Variants in COL3A1 observed in about 807,000 individuals in gnomAD.
COL3A1 encodes the protein collagen type III alpha 1 chain, also known as collagen alpha-1(III) chain.
A neutral mutation model predicts 200.9 loss-of-function variants in COL3A1; 46 were observed. The ratio of observed to expected loss-of-function variants is 0.23; its 90% CI spans 0.18 to 0.29. The LOEUF (loss-of-function observed/expected upper bound fraction) is 0.29, where lower values mean the gene tolerates loss of function less well. COL3A1 is among the 10% of genes least tolerant of loss of function. The pLI is 1.00. For missense variants in COL3A1, 1,367 were observed against 1,917.6 expected (o/e 0.71, Z 5.36); for synonymous variants, 650 against 628.0 (o/e 1.03, Z -0.52).
At chr2:189,008,002 T>C in intron 46 of COL3A1, 33 bp from the exon 47 acceptor site, 1 of 1,613,968 alleles carries the variant, frequency 6.2e-7, no homozygotes, top group Non-Finnish European at 8.5e-7. Context: ...CAGAAAGATA[T>C]TCTGGCATTG....
rs185022883 is a variant in COL3A1 at position 188,996,339 on chromosome 2, A to G, written c.1663-59A>G. The G allele has an allele frequency of 8.9e-4, 1,075 of 1,203,800 alleles. 8 individuals carry two copies. The African/African-American group carries it at 0.015, about 17-fold the overall frequency. The allele number at this position is 1,203,800 out of a possible 1,614,324, so 74.6% of individuals were successfully genotyped here. On this transcript the variant is annotated intron_variant, in intron 23 of 50. Transcript: ENST00000304636. Reference sequence around the variant, plus strand: ...ACACACACACACACATACTATATATATAGCATGCTTTAATCTTCTCTTTAT... The same window carrying G: ...ACACACACACACACATACTATATATGTAGCATGCTTTAATCTTCTCTTTAT...
intron 49 of COL3A1, 38 bp downstream of exon 49, chr2:189,010,403 C>T: frequency 6.2e-7 from 1 of 1,602,862 alleles, no homozygotes; most frequent in Non-Finnish European, 8.5e-7. Context: ...TAAGTCACCT[C>T]TATATCCTTT....
At chr2:188,997,488 A>G (rs1249094137) in intron 26 of COL3A1, 99 bp downstream of exon 26, 1 of 1,308,000 alleles carries the variant, frequency 7.6e-7, no homozygotes, top group Non-Finnish European at 1.1e-6. Context: ...ATGTTGTTAC[A>G]GTTTACCAAA....
At chr2:188,987,181 T>G in intron 5 of COL3A1, 42 bp downstream of exon 5, 1 of 1,522,438 alleles carries the variant, frequency 6.6e-7, no homozygotes, top group Non-Finnish European at 9.1e-7. Flanking sequence ...CTTTATTATC[T>G]TTCTGGTTTG....
chr2:188,995,793 A>G lies in COL3A1; in HGVS notation c.1608+3A>G. The G allele has an allele frequency of 6.4e-7, 1 of 1,553,776 alleles. No individual in the cohort carries two copies. Among genetic ancestry groups the G allele is most frequent in the Non-Finnish European group, 8.7e-7 (1 of 1,146,960 alleles). ...TCCCTGGAGGTCCAGGAATGAGGGT[A>G]CAGAGAAACATTTGTTTGAATGACA... On this transcript the variant is annotated splice_donor_region_variant and intron_variant, in intron 22 of 50. Coordinates refer to ENST00000304636, the MANE Select transcript of COL3A1 (RefSeq NM_000090.4).
At chr2:188,993,975 C>A in intron 16 of COL3A1, 63 bp from the exon 17 acceptor site, 1 of 1,507,574 alleles carries the variant, frequency 6.6e-7, no homozygotes, top group Non-Finnish European at 9.2e-7. Context: ...ACACAAACAA[C>A]TTCAAATATA....
At chr2:189,002,874 A>C in intron 35 of COL3A1, 81 bp from the exon 36 acceptor site, 1 of 1,081,666 alleles carries the variant, frequency 9.2e-7, no homozygotes, top group Non-Finnish European at 1.4e-6. Context: ...GAAGAATTCT[A>C]TATTCTGAAG....
intron 25 of COL3A1, 36 bp downstream of exon 25, chr2:188,997,254 A>G (rs746688599): frequency 5.6e-6 from 9 of 1,613,482 alleles, no homozygotes; most frequent in Non-Finnish European, 7.6e-6. Flanking sequence ...CTAGCCTTCT[A>G]ATAGATGCGT....
chr2:189,006,211 C>A lies in COL3A1; in HGVS notation c.3045C>A (p.Asn1015Lys). ...CTTTCTCATTTTTTAATCAGGGAAA[C>A]CCTGGATCAGATGGTCTTCCAGGCC... ...GTAGEPGRDGNPGSDGLPGRD... is the reference protein window; with the variant it reads ...GTAGEPGRDGKPGSDGLPGRD... Residue 1015 changes from asparagine to lysine, a missense_variant, in exon 42 of 51, where the codon AAC (asparagine) becomes AAA (lysine). Asn to Lys is a moderately conservative substitution (Grantham distance 94, BLOSUM62 0). Transcript: ENST00000304636. 1 of 1,614,116 alleles carries A rather than the reference C, an allele frequency of 6.2e-7. No individual in the cohort carries two copies. Among genetic ancestry groups the A allele is most frequent in the East Asian group, 2.2e-5 (1 of 44,892 alleles).
chr2:188,979,903 C>G (rs1339022158), intron 1 of COL3A1, among the ~76,000 whole-genome samples: 2 of 151,618 alleles, frequency 1.3e-5, no homozygotes, highest in Non-Finnish European at 3.0e-5. Flanking sequence ...CTTAATGTTT[C>G]TGCAGTTAAG....
At chr2:188,998,788 G>C (rs1375267384) in intron 29 of COL3A1, 70 bp downstream of exon 29, 1 of 1,436,914 alleles carries the variant, frequency 7.0e-7, no homozygotes, top group East Asian at 2.3e-5. Flanking sequence ...TATATTTTTA[G>C]TATATCAAGC....
rs886038228 is a variant in COL3A1, at chr2:188,984,899, C to T, written c.219C>T (p.Asp73=). 7.4e-5 allele frequency: 120 copies of T among 1,613,124 alleles called. No individual in the cohort carries two copies. Among genetic ancestry groups the T allele is most frequent in the Non-Finnish European group, 1.0e-4 (119 of 1,179,446 alleles). ...TAATATGTGACGATCAAGAATTAGA[C>T]TGCCCCAACCCAGAAATTCCATTTG... ...DDIICDDQEL[D]CPNPEIPFGE... Residue 73 remains aspartate, a synonymous_variant, in exon 2 of 51, where the codon GAC becomes GAT. Transcript: ENST00000304636.
chr2:188,999,390 C>T lies in COL3A1; in HGVS notation c.2121+7C>T. ...TGGTCCCGAAGGAGGAAAGGTAACT[C>T]CACAGCATTCCATTCACCTAGGTTT... On this transcript the variant is annotated splice_region_variant and intron_variant, in intron 30 of 50. Coordinates refer to ENST00000304636, the MANE Select transcript of COL3A1 (RefSeq NM_000090.4). The T allele has an allele frequency of 6.2e-7, 1 of 1,613,130 alleles. No individual in the cohort carries two copies. Among genetic ancestry groups the T allele is most frequent in the Non-Finnish European group, 8.5e-7 (1 of 1,179,458 alleles).
Position 188,974,395 on chromosome 2 carries a change from G to A in COL3A1, c.-95G>A. Reference sequence around the variant, plus strand: ...AGTGGCTGAGTTTTATGACGGGCCCGGTGCTGAAGGGCAGGGAACAACTTG... The same window carrying A: ...AGTGGCTGAGTTTTATGACGGGCCCAGTGCTGAAGGGCAGGGAACAACTTG... On this transcript the variant is annotated 5_prime_UTR_variant, in exon 1 of 51. Coordinates refer to ENST00000304636, the MANE Select transcript of COL3A1 (RefSeq NM_000090.4). 2 of 880,550 alleles carry A rather than the reference G, an allele frequency of 2.3e-6. No individual in the cohort carries two copies. The highest frequency in any genetic ancestry group is 3.7e-6 in the Non-Finnish European group (2 of 543,686). 54.5% of individuals were successfully genotyped at this position (880,550 alleles called of 1,614,324 possible). A position where few individuals can be genotyped will look rare whatever the true frequency, so the allele number is the denominator to read the frequency against.
chr2:189,009,143 A>G lies in COL3A1; in HGVS notation c.3745A>G (p.Ile1249Val), dbSNP rs779018915. The G allele has an allele frequency of 5.6e-6, 9 of 1,613,776 alleles. No homozygotes were observed. The highest frequency in any genetic ancestry group is 1.6e-4 in the Middle Eastern group (1 of 6,084). ...KSVNGQIESL[I>V]SPDGSRKNPA... is the part of the protein sequence containing the mutation. ...TGTTAATGGACAAATAGAAAGCCTC[A>G]TTAGTCCTGATGGTTCTCGTAAAAA... is the stretch of plus-strand genomic sequence containing the variant. Residue 1249 changes from isoleucine (I) to valine (V), a missense_variant, in exon 48 of 51, where the codon ATT becomes GTT. Ile to Val is a conservative substitution (Grantham distance 29, BLOSUM62 3). Coordinates refer to ENST00000304636, the MANE Select transcript of COL3A1 (RefSeq NM_000090.4).
intron 50 of COL3A1, 28 bp from the exon 51 acceptor site, chr2:189,011,600 A>G (rs145798954): frequency 1.2e-6 from 2 of 1,613,800 alleles, no homozygotes; most frequent in Non-Finnish European, 8.5e-7. Context: ...TAATGTCATG[A>G]TCATGTACAT....
In COL3A1 at chr2:188,993,390, T is replaced by C. The variant is rs1231189635; in HGVS notation, c.1080T>C (p.Gly360=). 1.3e-6 allele frequency: 2 copies of C among 1,570,990 alleles called. No homozygotes were observed. Among genetic ancestry groups the C allele is most frequent in the Admixed American group, 3.7e-5 (2 of 54,062 alleles). The change falls in exon 16 of 51, where the codon GGT becomes GGC. Residue 360 remains glycine (G), a synonymous_variant. Coordinates refer to ENST00000304636, the MANE Select transcript of COL3A1 (RefSeq NM_000090.4). ...KGEVGPAGSP[G]SNGAPGQRGE... ...AAGTTGGACCTGCAGGGTCTCCTGG[T>C]TCAAATGGTGCCCCTGGACAAAGAG...
rs191566474 is a variant in COL3A1, at chr2:188,992,599, A to G, written c.997-288A>G. On this transcript the variant is annotated intron_variant, in intron 14 of 50. Coordinates refer to ENST00000304636, the MANE Select transcript of COL3A1 (RefSeq NM_000090.4). The stretch of plus-strand genomic sequence containing the variant: ...GAGTCCTACAAAATGGATAAAATAG[A>G]TGTTACCTCCATTTTGTAGACTGGA... Among the ~76,000 whole-genome samples the G allele has an allele frequency of 2.5e-3, 386 of 152,226 alleles. 7 individuals are homozygous for G. In the Middle Eastern group the frequency reaches 0.034, roughly 13 times the overall value.
At position 189,001,104 on chromosome 2, in the gene COL3A1, A is replaced by G. The variant is rs76366008; in HGVS notation, c.2284-293A>G. 4.1e-3 allele frequency among the ~76,000 whole-genome samples: 628 copies of G among 152,340 alleles called. 4 individuals are homozygous for G. The highest frequency in any genetic ancestry group is 0.014 in the African/African-American group (585 of 41,586). Reference sequence around the variant, plus strand: ...CTTTAATTTAAAAAGACATTACTGTAAGATCTTACATGACATCCTATTTAT... The same window carrying G: ...CTTTAATTTAAAAAGACATTACTGTGAGATCTTACATGACATCCTATTTAT... On this transcript the variant is annotated intron_variant, in intron 32 of 50. Coordinates refer to ENST00000304636, the MANE Select transcript of COL3A1 (RefSeq NM_000090.4).
Sources: allele counts gnomAD v4.1 joint callset (sites outside exome capture counted in the v4.1 genomes callset), GRCh38; gene constraint gnomAD v4.1.1; transcripts MANE v1.5; gene names NCBI Gene and HGNC (gene_info 2026-07-23, HGNC 2026-07-21).